OSBPL9: variants seen among roughly 807,000 people sequenced by gnomAD.
The protein encoded by OSBPL9 is oxysterol binding protein like 9.
Under a neutral mutation model 106.6 loss-of-function variants are expected in OSBPL9, and 40 were observed. That is an observed-to-expected ratio of 0.38 (90% CI 0.29 to 0.49). The LOEUF (loss-of-function observed/expected upper bound fraction) is 0.49. Ranked by LOEUF, OSBPL9 falls within the 20% of genes least tolerant of loss-of-function variation. OSBPL9 has a pLI of 0.97. For missense variants in OSBPL9, 609 were observed against 887.2 expected (o/e 0.69, Z 3.98); for synonymous variants, 269 against 295.4 (o/e 0.91, Z 0.92).
intron 3 of OSBPL9, among the ~76,000 whole-genome samples, chr1:51,671,163 T>C (rs1649775699): frequency 6.6e-6 from 1 of 152,232 alleles, no homozygotes; most frequent in Admixed American, 6.5e-5. Flanking sequence ...TCTATTGTAG[T>C]AGTTATGGGA....
intron 4 of OSBPL9, among the ~76,000 whole-genome samples, chr1:51,721,857 G>A (rs1159217189): frequency 6.6e-6 from 1 of 152,212 alleles, no homozygotes; most frequent in Non-Finnish European, 1.5e-5. Flanking sequence ...TGGAGAAGTA[G>A]CCAGTTAAAT....
chr1:51,541,027 A>T, the OSBPL9 span, among the ~76,000 whole-genome samples: 2 of 151,730 alleles, frequency 1.3e-5, no homozygotes, highest in Admixed American at 1.3e-4. Flanking sequence ...GCTATTCAGG[A>T]GGCTGAGGCA....
At chr1:51,662,176 G>A (rs1209651790) in intron 2 of OSBPL9, among the ~76,000 whole-genome samples, 1 of 152,196 alleles carries the variant, frequency 6.6e-6, no homozygotes. Context: ...TTGGACAGCT[G>A]AATAATCTTG....
chr1:51,676,583 C>T (rs1216488026), intron 3 of OSBPL9, among the ~76,000 whole-genome samples: 1 of 149,862 alleles, frequency 6.7e-6, no homozygotes, highest in African/African-American at 2.5e-5. Flanking sequence ...GACTTGAACT[C>T]AGGAGGCAAA....
upstream of OSBPL9, among the ~76,000 whole-genome samples, chr1:51,576,287 G>A (rs77241104): frequency 3.3e-3 from 498 of 152,214 alleles, 2 homozygotes; most frequent in African/African-American, 0.012. Context: ...CCTGAGGGAG[G>A]GGCCTCAGAG....
intron 4 of OSBPL9, among the ~76,000 whole-genome samples, chr1:51,723,940 TTC>T (rs1186600511): frequency 6.6e-6 from 1 of 152,156 alleles, no homozygotes; most frequent in East Asian, 1.9e-4. Flanking sequence ...TGGTATTTTT[TTC>T]TCTCTCAGTC....
the OSBPL9 span, among the ~76,000 whole-genome samples, chr1:51,525,355 A>C: frequency 1.1e-3 from 163 of 152,368 alleles, 1 homozygote; most frequent in African/African-American, 3.9e-3. Context: ...GCAGGTGCTG[A>C]TAATGTTGGT....
At chr1:51,698,848 G>A (rs928561496) in intron 3 of OSBPL9, among the ~76,000 whole-genome samples, 2 of 152,090 alleles carry the variant, frequency 1.3e-5, no homozygotes, top group African/African-American at 4.8e-5. Flanking sequence ...TTTGAATTGT[G>A]TATATCATTA....
At chr1:51,577,178 C>T (rs1277657504), upstream of OSBPL9, 3 of 152,206 alleles carry the variant, frequency 2.0e-5, no homozygotes, top group African/African-American at 7.2e-5. Context: ...CACTTTCCGC[C>T]ATGATTATAA....
chr1:51,643,578 C>A (rs1645944781), intron 1 of OSBPL9, among the ~76,000 whole-genome samples: 1 of 152,074 alleles, frequency 6.6e-6, no homozygotes, highest in Non-Finnish European at 1.5e-5. Flanking sequence ...TGGAGCCAGG[C>A]CAAGCAGGGT....
chr1:51,628,317 T>C (rs907048365), intron 1 of OSBPL9, among the ~76,000 whole-genome samples: 23 of 152,222 alleles, frequency 1.5e-4, no homozygotes, highest in African/African-American at 5.3e-4. Context: ...GTGTAAGTTA[T>C]TGTACCATTT....
At chr1:51,551,858 G>A in the OSBPL9 span, among the ~76,000 whole-genome samples, 1 of 151,970 alleles carries the variant, frequency 6.6e-6, no homozygotes, top group Non-Finnish European at 1.5e-5. Context: ...CTTCCAGAGT[G>A]CTGGGATTAC....
At chr1:51,548,252 G>T in the OSBPL9 span, among the ~76,000 whole-genome samples, 1 of 151,938 alleles carries the variant, frequency 6.6e-6, no homozygotes, top group East Asian at 1.9e-4. Context: ...TTTTTGTTTG[G>T]TTTGGATTTT....
At position 51,788,880 on chromosome 1, in the gene OSBPL9, A is replaced by AT. The variant is rs1359020119; in HGVS notation, c.*1093dup. Among the ~76,000 whole-genome samples the AT allele has an allele frequency of 1.3e-5, 2 of 151,358 alleles. No homozygotes were observed. The highest frequency in any genetic ancestry group is 1.3e-4 in the Admixed American group (2 of 15,244). On this transcript the variant is annotated 3_prime_UTR_variant, in exon 24 of 24. Transcript: ENST00000428468. ...TATCATCTTTTTTATTTAAAAATAC[A>AT]TTAAAAAAACAGGTATTAGTACCTA...
At chr1:51,635,203 T>G (rs1570685857) in intron 1 of OSBPL9, among the ~76,000 whole-genome samples, 1 of 151,966 alleles carries the variant, frequency 6.6e-6, no homozygotes, top group Non-Finnish European at 1.5e-5. Context: ...ATACCTATAG[T>G]CCCAGCCACT....
chr1:51,761,859 T>C lies in OSBPL9; in HGVS notation c.674-8T>C, dbSNP rs56663390. The C allele has an allele frequency of 1.3e-3, 2,111 of 1,596,548 alleles. 26 individuals carry two copies. The African/African-American group carries it at 0.026, about 19-fold the overall frequency. On this transcript the variant is annotated splice_polypyrimidine_tract_variant and splice_region_variant and intron_variant, in intron 10 of 23. Transcript: ENST00000428468. Reference sequence around the variant, plus strand: ...CTGTACCTTATTTTATACGTTCAAATCTCCTAGAACCTGTTCAGTTGTGTA... The same window carrying C: ...CTGTACCTTATTTTATACGTTCAAACCTCCTAGAACCTGTTCAGTTGTGTA...
chr1:51,592,768 C>G (rs550925396), intron 1 of OSBPL9, among the ~76,000 whole-genome samples: 11 of 152,276 alleles, frequency 7.2e-5, no homozygotes, highest in African/African-American at 2.6e-4. Flanking sequence ...CAGAGCATTT[C>G]CTAAATATTT....
upstream of OSBPL9, among the ~76,000 whole-genome samples, chr1:51,575,504 C>T (rs1486476662): frequency 6.6e-6 from 1 of 152,010 alleles, no homozygotes; most frequent in Non-Finnish European, 1.5e-5. Flanking sequence ...AGCCACCGTG[C>T]CCAGCCCCCA....
upstream of OSBPL9, among the ~76,000 whole-genome samples, chr1:51,572,374 G>T (rs960514656): frequency 1.2e-4 from 18 of 152,180 alleles, no homozygotes; most frequent in African/African-American, 4.3e-4. Context: ...GCAGGCAATG[G>T]TTATTATCTC....
Sources: gnomAD v4.1 joint callset for allele counts (sites outside exome capture counted in the v4.1 genomes callset) on GRCh38, gnomAD v4.1.1 for gene constraint, MANE v1.5 for transcripts, NCBI Gene and HGNC (gene_info 2026-07-23, HGNC 2026-07-21) for gene names.